The following MMP24 variants were observed in gnomAD, a reference collection of about 807,000 sequenced individuals.
MMP24 encodes the protein matrix metallopeptidase 24, also known as matrix metalloproteinase-24.
MMP24 carries 25 observed loss-of-function variants against 62.8 expected under a neutral mutation model. That is an observed-to-expected ratio of 0.40 (90% confidence interval 0.29 to 0.56). The LOEUF is 0.56. Ranked by LOEUF, MMP24 falls within the 20% of genes least tolerant of loss-of-function variation. MMP24 has a pLI of 0.50. For synonymous variants in MMP24, 319 were observed against 350.5 expected (o/e 0.91, Z 1.00); for missense variants, 634 against 853.6 (o/e 0.74, Z 3.21).
chr20:35,254,502 C>T lies in MMP24; in HGVS notation c.565C>T (p.Arg189Cys), dbSNP rs750265403. ...TGAGCTAGACACGCGGAAAGCTATTCGCCAGGCTTTCGATGTGTGGCAGAA... is the reference window on the plus strand; with the variant it reads ...TGAGCTAGACACGCGGAAAGCTATTTGCCAGGCTTTCGATGTGTGGCAGAA... ...VGELDTRKAI[R>C]QAFDVWQKVT... Residue 189 changes from arginine to cysteine, a missense_variant, in exon 4 of 9, where the codon CGC becomes TGC. Arg to Cys is a radical substitution (Grantham distance 180). This residue lies in a region of MMP24 where 212 missense variants were observed against 259.6 expected (regional missense o/e 0.82). Transcript: ENST00000246186. 7 of 1,613,896 alleles carry T rather than the reference C, an allele frequency of 4.3e-6. No individual in the cohort carries two copies. The highest frequency in any genetic ancestry group is 2.2e-5 in the South Asian group (2 of 91,092).
At chr20:35,234,177 T>A (rs918630930) in intron 1 of MMP24, among the ~76,000 whole-genome samples, 1 of 152,286 alleles carries the variant, frequency 6.6e-6, no homozygotes, top group South Asian at 2.1e-4. Flanking sequence ...TACTCTTTCC[T>A]GGAGTCTCAT....
intron 1 of MMP24, among the ~76,000 whole-genome samples, chr20:35,238,193 A>C (rs1324064557): frequency 6.6e-6 from 1 of 152,154 alleles, no homozygotes; most frequent in Non-Finnish European, 1.5e-5. Flanking sequence ...CTAATAGAAG[A>C]CTTTTCTAAA....
At position 35,276,593 on chromosome 20, in the gene MMP24, C is replaced by T. The variant is rs1484615377; in HGVS notation, c.*1984C>T. On this transcript the variant is annotated 3_prime_UTR_variant, in exon 9 of 9. Coordinates refer to ENST00000246186, the MANE Select transcript of MMP24 (RefSeq NM_006690.4). ...ATCCACCTCTTCCTGGCCTCCCTTC[C>T]CCCACTTCCTGGTCCCTGTCCACTC... 11 of 281,152 alleles carry T rather than the reference C, an allele frequency of 3.9e-5. No individual in the cohort carries two copies. The highest frequency in any genetic ancestry group is 6.6e-5 in the Non-Finnish European group (10 of 151,194). 17.4% of individuals were successfully genotyped at this position (281,152 alleles called of 1,614,324 possible).
At chr20:35,264,707 C>CAAAAAAAAAAAAAA (rs57309455) in intron 5 of MMP24, among the ~76,000 whole-genome samples, 6 of 43,542 alleles carry the variant, frequency 1.4e-4, no homozygotes, top group African/African-American at 2.0e-4. Flanking sequence ...GACTCCGTCT[C>CAAAAAAAAAAAAAA]AAAAAAAAAA....
At chr20:35,261,317 G>A (rs2060601507) in intron 4 of MMP24, among the ~76,000 whole-genome samples, 1 of 152,160 alleles carries the variant, frequency 6.6e-6, no homozygotes, top group Non-Finnish European at 1.5e-5. Flanking sequence ...CAGTAACCAA[G>A]CTTCTATCTT....
chr20:35,237,193 G>C (rs571925056), intron 1 of MMP24, among the ~76,000 whole-genome samples: 1 of 152,272 alleles, frequency 6.6e-6, no homozygotes, highest in East Asian at 1.9e-4. Context: ...ACACAGACTT[G>C]TTTTCTTACA....
intron 4 of MMP24, chr20:35,256,397 G>T (rs1308050835): frequency 2.0e-5 from 3 of 152,104 alleles, no homozygotes; most frequent in African/African-American, 7.2e-5. Flanking sequence ...GTAGGGCACA[G>T]CAGAATCACC....
chr20:35,266,175 TAAAAAA>T (rs35806814), intron 5 of MMP24, among the ~76,000 whole-genome samples: 3 of 43,034 alleles, frequency 7.0e-5, no homozygotes, highest in East Asian at 8.7e-4. Flanking sequence ...CCATCTCTGC[TAAAAAA>T]AAAAAAAAAA....
At chr20:35,264,378 C>T (rs1341180861) in intron 5 of MMP24, among the ~76,000 whole-genome samples, 1 of 152,082 alleles carries the variant, frequency 6.6e-6, no homozygotes, top group Non-Finnish European at 1.5e-5. Flanking sequence ...GGACTATAAC[C>T]AGAGCTTTGT....
intron 1 of MMP24, among the ~76,000 whole-genome samples, chr20:35,240,607 A>G (rs1484273042): frequency 6.6e-6 from 1 of 152,112 alleles, no homozygotes; most frequent in Non-Finnish European, 1.5e-5. Context: ...GGAACAATGG[A>G]ACCTATTGCC....
intron 1 of MMP24, among the ~76,000 whole-genome samples, chr20:35,244,243 C>T (rs1310694151): frequency 6.6e-6 from 1 of 152,168 alleles, no homozygotes; most frequent in African/African-American, 2.4e-5. Flanking sequence ...CATTGGCTTA[C>T]TTGGCATTCA....
Position 35,271,803 on chromosome 20 carries a change from C to T in MMP24, c.1568C>T (p.Ala523Val). Residue 523 changes from alanine to valine, a missense_variant, in exon 8 of 9, where the codon GCT becomes GTT. Physicochemically the swap from Ala to Val is moderately conservative, Grantham distance 64. Around this residue, in one of 3 missense-constraint regions of MMP24, gnomAD observed 399 missense variants for 530.8 expected, o/e 0.75. Transcript: ENST00000246186. The surrounding 1 kb of genome is among the most constrained non-coding windows in gnomAD (Gnocchi z 4.0). ...ACCGTGTGGAAGGGCATCCCACAGG[C>T]TCCCCAAGGAGCCTTCATCAGCAAG... ...PITVWKGIPQ[A>V]PQGAFISKEG... 6.2e-7 allele frequency: 1 copy of T among 1,609,768 alleles called. No individual in the cohort carries two copies. Among genetic ancestry groups the T allele is most frequent in the Non-Finnish European group, 8.5e-7 (1 of 1,178,634 alleles).
chr20:35,258,417 T>C (rs915782860), intron 4 of MMP24, among the ~76,000 whole-genome samples: 10 of 152,180 alleles, frequency 6.6e-5, no homozygotes, highest in African/African-American at 2.4e-4. Context: ...CACACACACA[T>C]GGCTGACATG....
Position 35,229,429 on chromosome 20 carries a change from T to C in MMP24, c.246+2445T>C, listed in dbSNP as rs1436152210. On this transcript the variant is annotated intron_variant, in intron 1 of 8. Coordinates refer to ENST00000246186, the MANE Select transcript of MMP24 (RefSeq NM_006690.4). Reference sequence around the variant, plus strand: ...GACCATTTATATCTATCTATTGTTTTCTAAGTGACAAAAACATCATCCTTA... The same window carrying C: ...GACCATTTATATCTATCTATTGTTTCCTAAGTGACAAAAACATCATCCTTA... Among the ~76,000 whole-genome samples the C allele has an allele frequency of 2.6e-5, 4 of 152,234 alleles. No homozygotes were observed. In the East Asian group the frequency reaches 7.7e-4, roughly 29 times the overall value.
chr20:35,232,702 T>C (rs2060443318), intron 1 of MMP24, among the ~76,000 whole-genome samples: 1 of 152,170 alleles, frequency 6.6e-6, no homozygotes, highest in African/African-American at 2.4e-5. Flanking sequence ...AAACAGTGGA[T>C]AATTTGATGT....
At chr20:35,256,693 T>G (rs1287282949) in intron 4 of MMP24, among the ~76,000 whole-genome samples, 1 of 118,726 alleles carries the variant, frequency 8.4e-6, no homozygotes, top group East Asian at 2.7e-4. Context: ...CACTCCAGCC[T>G]GGGCAACAGA....
At chr20:35,233,916 C>T (rs2060449532) in intron 1 of MMP24, among the ~76,000 whole-genome samples, 2 of 152,106 alleles carry the variant, frequency 1.3e-5, no homozygotes, top group Admixed American at 1.3e-4. Flanking sequence ...GCCCAGGAAG[C>T]TGAGGCTACA....
chr20:35,269,737 C>T lies in MMP24; in HGVS notation c.1195-23C>T, dbSNP rs199936663. On this transcript the variant is annotated intron_variant, in intron 6 of 8. Transcript: ENST00000246186. This position sits in a 1 kb window ranked among gnomAD's most constrained non-coding sequence, Gnocchi z 4.6. ...GAGGCAGGGCCTGACACACCTCTCT[C>T]CCCCTCTCCCGCTTCCTCCCAGGAT... 1,628 of 1,561,024 alleles carry T rather than the reference C, an allele frequency of 1.0e-3. 4 individuals carry two copies. The highest frequency in any genetic ancestry group is 1.3e-3 in the Non-Finnish European group (1,445 of 1,152,664).
chr20:35,267,228 CCCA>C lies in MMP24; in HGVS notation c.1005_1007del (p.Thr336del). ...AGGACCCCCAGCCGAGCCTCTGGAGCCCACAAGGCCACTCCCTACACTCCCCGT... is the reference window on the plus strand; with the variant it reads ...AGGACCCCCAGCCGAGCCTCTGGAGCCAAGGCCACTCCCTACACTCCCCGT... On this transcript the variant is annotated inframe_deletion, in exon 6 of 9. Coordinates refer to ENST00000246186, the MANE Select transcript of MMP24 (RefSeq NM_006690.4). The C allele has an allele frequency of 6.2e-7, 1 of 1,601,406 alleles. No homozygotes were observed. Among genetic ancestry groups the C allele is most frequent in the South Asian group, 1.1e-5 (1 of 88,692 alleles).
Sources: allele counts gnomAD v4.1 joint callset (sites outside exome capture counted in the v4.1 genomes callset), GRCh38; gene constraint gnomAD v4.1.1; regional missense constraint gnomAD v4.1.1; non-coding constraint Gnocchi (gnomAD v3.1); transcripts MANE v1.5; gene names NCBI Gene and HGNC (gene_info 2026-07-23, HGNC 2026-07-21).